THEMIS: variants seen among roughly 807,000 people sequenced by gnomAD.
THEMIS encodes the protein thymocyte selection associated.
A neutral mutation model predicts 52.6 loss-of-function variants in THEMIS; 37 were observed. The observed-to-expected ratio is 0.70, with a 90% CI of 0.54 to 0.93. The LOEUF is 0.93. Among genes scored for constraint, THEMIS ranks in the 40% least tolerant of loss-of-function variants. THEMIS has a pLI of 0.00. For synonymous variants in THEMIS, 292 were observed against 272.7 expected (o/e 1.07, Z -0.70); for missense variants, 808 against 763.1 (o/e 1.06, Z -0.69).
intron 4 of THEMIS, among the ~76,000 whole-genome samples, chr6:127,758,658 C>G (rs1211095628): frequency 6.6e-6 from 1 of 151,596 alleles, no homozygotes. Context: ...CACAAGAAGG[C>G]AACTATATAA....
At chr6:127,875,409 T>C (rs1780284701) in intron 1 of THEMIS, among the ~76,000 whole-genome samples, 2 of 152,172 alleles carry the variant, frequency 1.3e-5, no homozygotes, top group East Asian at 1.9e-4. Context: ...ACCCCCAAAC[T>C]GCAGAAAGCC....
chr6:127,891,828 C>T (rs909663094), intron 1 of THEMIS, among the ~76,000 whole-genome samples: 3 of 152,076 alleles, frequency 2.0e-5, no homozygotes, highest in Non-Finnish European at 2.9e-5. Context: ...AATGCTCTTG[C>T]CCACTCCTTA....
In THEMIS at chr6:127,811,090, T is replaced by C. The variant is rs114628065; in HGVS notation, c.1758+1793A>G. 3.4e-3 allele frequency among the ~76,000 whole-genome samples: 514 copies of C among 152,204 alleles called. 3 individuals are homozygous for C. Among genetic ancestry groups the C allele is most frequent in the African/African-American group, 0.012 (479 of 41,524 alleles). On this transcript the variant is annotated intron_variant, in intron 4 of 5. Coordinates refer to ENST00000368248, the MANE Select transcript of THEMIS (RefSeq NM_001010923.3). ...ACCAACAACAACAACAACAAAAAGTTTCCAGCAAAACAGGTAGTGACTTGC... is the reference window on the plus strand; with the variant it reads ...ACCAACAACAACAACAACAAAAAGTCTCCAGCAAAACAGGTAGTGACTTGC...
rs541919273 is a variant in THEMIS at position 127,918,073 on chromosome 6, G to T, written c.-150+355C>A. On this transcript the variant is annotated intron_variant, in intron 1 of 6. Coordinates refer to the THEMIS transcript ENST00000368250. The stretch of plus-strand genomic sequence containing the variant: ...ATCATGTACAATTAGAGTAAATTTG[G>T]AAGTCATTCTTCTTTAGCTATATTC... Among the ~76,000 whole-genome samples, 18 of 152,276 alleles carry T rather than the reference G, an allele frequency of 1.2e-4. No individual in the cohort carries two copies. The South Asian group carries it at 1.9e-3, about 16-fold the overall frequency.
At chr6:127,716,813 T>C (rs565130291) in intron 5 of THEMIS, among the ~76,000 whole-genome samples, 1 of 152,062 alleles carries the variant, frequency 6.6e-6, no homozygotes, top group South Asian at 2.1e-4. Context: ...CTATTGCTGC[T>C]GAAGTAAGAT....
intron 4 of THEMIS, among the ~76,000 whole-genome samples, chr6:127,811,822 CA>C (rs1457297930): frequency 1.4e-4 from 22 of 152,142 alleles, no homozygotes; most frequent in Admixed American, 1.4e-3. Context: ...TGTATTATAT[CA>C]AATGACTCTT....
At chr6:127,900,772 C>T (rs1337988703) in intron 1 of THEMIS, 70 bp downstream of exon 1, 2 of 1,322,368 alleles carry the variant, frequency 1.5e-6, no homozygotes, top group Non-Finnish European at 2.2e-6. Context: ...AAAATTCCCC[C>T]CCTCCAATTT....
chr6:127,815,486 A>G (rs1288060800), intron 3 of THEMIS, among the ~76,000 whole-genome samples: 1 of 152,148 alleles, frequency 6.6e-6, no homozygotes, highest in Non-Finnish European at 1.5e-5. Context: ...GAGTTTCTGA[A>G]GATGCAGCAA....
chr6:127,820,917 A>G (rs1165595442), intron 3 of THEMIS, among the ~76,000 whole-genome samples: 1 of 152,078 alleles, frequency 6.6e-6, no homozygotes. Flanking sequence ...TCAAGTTTTT[A>G]AACTGAAATA....
intron 3 of THEMIS, among the ~76,000 whole-genome samples, chr6:127,817,242 A>T (rs1778167212): frequency 6.6e-6 from 1 of 152,202 alleles, no homozygotes; most frequent in African/African-American, 2.4e-5. Context: ...TCAATAAATG[A>T]ATTAATGAAT....
At position 127,867,398 on chromosome 6, in the gene THEMIS, T is replaced by C. The variant is rs564375727; in HGVS notation, c.92-12210A>G. Among the ~76,000 whole-genome samples, 5 of 152,240 alleles carry C rather than the reference T, an allele frequency of 3.3e-5. No individual in the cohort carries two copies. In the South Asian group the frequency reaches 6.2e-4, roughly 19 times the overall value. On this transcript the variant is annotated intron_variant, in intron 1 of 5. Coordinates refer to ENST00000368248, the MANE Select transcript of THEMIS (RefSeq NM_001010923.3). ...GAAGTAGACAAGGTTTCTATTGAAT[T>C]ATCATAGGATCTAGGACTTTTTATG...
chr6:127,862,672 G>A (rs1170521965), intron 1 of THEMIS, among the ~76,000 whole-genome samples: 3 of 151,538 alleles, frequency 2.0e-5, no homozygotes, highest in African/African-American at 7.3e-5. Context: ...CACCCACCTC[G>A]GCCTCCCAAA....
At chr6:127,777,199 TTC>T (rs199885420) in intron 4 of THEMIS, among the ~76,000 whole-genome samples, 3,941 of 152,034 alleles carry the variant, frequency 0.026, 65 homozygotes, top group Middle Eastern at 0.073. Context: ...TTTTTTTTTT[TTC>T]TGTTTGTTTC....
At chr6:127,796,377 G>A (rs116751735) in intron 4 of THEMIS, among the ~76,000 whole-genome samples, 162 of 152,174 alleles carry the variant, frequency 1.1e-3, no homozygotes, top group African/African-American at 3.2e-3. Context: ...CTACAAGTGC[G>A]TTTTTAGTGG....
rs764331 is a variant in THEMIS at position 127,745,489 on chromosome 6, A to T, written c.1759-25666T>A. ...GAGCAAATAACAGTATGGATATGGC[A>T]TTACAATGTACCTGTACTACGATAT... On this transcript the variant is annotated intron_variant, in intron 4 of 5. Coordinates refer to ENST00000368248, the MANE Select transcript of THEMIS (RefSeq NM_001010923.3). Among the ~76,000 whole-genome samples the T allele has an allele frequency of 3.7e-3, 567 of 151,968 alleles. 12 individuals carry two copies. The highest frequency in any genetic ancestry group is 5.5e-4 in the Non-Finnish European group (37 of 67,792).
chr6:127,711,301 A>T (rs1323529621), intron 5 of THEMIS, among the ~76,000 whole-genome samples: 1 of 152,034 alleles, frequency 6.6e-6, no homozygotes, highest in African/African-American at 2.4e-5. Flanking sequence ...AGCGATTTTC[A>T]TGATGTGTGT....
At chr6:127,850,998 A>G (rs1276964892) in intron 2 of THEMIS, among the ~76,000 whole-genome samples, 1 of 151,740 alleles carries the variant, frequency 6.6e-6, no homozygotes, top group East Asian at 1.9e-4. Flanking sequence ...ACTAAAGAAA[A>G]TCGTGTCTAC....
At chr6:127,888,482 C>T (rs1208235201) in intron 1 of THEMIS, among the ~76,000 whole-genome samples, 2 of 151,908 alleles carry the variant, frequency 1.3e-5, no homozygotes, top group Non-Finnish European at 2.9e-5. Context: ...GGAATTTGGG[C>T]ATCAATTTTC....
downstream of THEMIS, among the ~76,000 whole-genome samples, chr6:127,706,631 G>T (rs1773803376): frequency 6.6e-6 from 1 of 152,146 alleles, no homozygotes; most frequent in Non-Finnish European, 1.5e-5. Context: ...ACATGTAAAA[G>T]ATATAGCTTG....
Sources: gnomAD v4.1 joint callset for allele counts (sites outside exome capture counted in the v4.1 genomes callset) on GRCh38, gnomAD v4.1.1 for gene constraint, MANE v1.5 for transcripts, NCBI Gene and HGNC (gene_info 2026-07-23, HGNC 2026-07-21) for gene names.